TLL1: variants seen among roughly 807,000 people sequenced by gnomAD.
TLL1 encodes tolloid like 1.
TLL1 carries 49 observed loss-of-function variants against 128.2 expected under a neutral mutation model. The observed-to-expected ratio is 0.38, with a 90% confidence interval of 0.30 to 0.48. The LOEUF (loss-of-function observed/expected upper bound fraction) is 0.48. Among genes scored for constraint, TLL1 ranks in the 20% least tolerant of loss-of-function variants. TLL1 has a pLI of 0.96. For missense variants in TLL1, 1,123 were observed against 1,242.0 expected (o/e 0.90, Z 1.44); for synonymous variants, 454 against 418.8 (o/e 1.08, Z -1.03).
At chr4:165,884,788 A>T (rs536287910) in intron 1 of TLL1, among the ~76,000 whole-genome samples, 7 of 152,292 alleles carry the variant, frequency 4.6e-5, no homozygotes, top group African/African-American at 1.7e-4. Context: ...GTGAACTGAG[A>T]TTGCACCACT....
intron 17 of TLL1, among the ~76,000 whole-genome samples, chr4:166,076,495 A>C (rs557490334): frequency 3.3e-5 from 5 of 152,236 alleles, no homozygotes; most frequent in Non-Finnish European, 7.3e-5. Context: ...TTCATTACAT[A>C]AATGATATAG....
At chr4:165,981,287 A>T (rs1162187329) in intron 1 of TLL1, among the ~76,000 whole-genome samples, 1 of 152,092 alleles carries the variant, frequency 6.6e-6, no homozygotes, top group Non-Finnish European at 1.5e-5. Flanking sequence ...ATATTGTTAC[A>T]AGCAAAATAA....
intron 1 of TLL1, among the ~76,000 whole-genome samples, chr4:165,951,673 A>G (rs1019193737): frequency 6.6e-6 from 1 of 152,148 alleles, no homozygotes; most frequent in Non-Finnish European, 1.5e-5. Context: ...TAAGTTGTGT[A>G]TGACTTCAGG....
chr4:165,936,944 A>G (rs1733790759), intron 1 of TLL1, among the ~76,000 whole-genome samples: 1 of 152,120 alleles, frequency 6.6e-6, no homozygotes, highest in Non-Finnish European at 1.5e-5. Context: ...AACAAAAAGC[A>G]AAAAACGAAA....
chr4:165,906,298 G>A (rs1449481652), intron 1 of TLL1, among the ~76,000 whole-genome samples: 3 of 152,190 alleles, frequency 2.0e-5, no homozygotes, highest in African/African-American at 7.2e-5. Flanking sequence ...CTACGTGCCA[G>A]CTTCTTGTCA....
At chr4:165,887,731 G>A (rs1369824809) in intron 1 of TLL1, among the ~76,000 whole-genome samples, 1 of 152,098 alleles carries the variant, frequency 6.6e-6, no homozygotes, top group East Asian at 1.9e-4. Flanking sequence ...CCATGGCATT[G>A]AATCTATGGA....
At chr4:165,898,079 T>C (rs1227751464) in intron 1 of TLL1, among the ~76,000 whole-genome samples, 8 of 152,224 alleles carry the variant, frequency 5.3e-5, no homozygotes, top group Admixed American at 5.2e-4. Flanking sequence ...ACATTGATTT[T>C]GTATCCTGAG....
intron 1 of TLL1, among the ~76,000 whole-genome samples, chr4:165,887,114 G>T (rs1369130366): frequency 6.6e-6 from 1 of 152,206 alleles, no homozygotes; most frequent in Non-Finnish European, 1.5e-5. Context: ...GATCTTTAGA[G>T]CCCAGGGTGT....
chr4:166,049,676 C>G (rs1269151617), intron 12 of TLL1, among the ~76,000 whole-genome samples: 1 of 150,134 alleles, frequency 6.7e-6, no homozygotes, highest in Non-Finnish European at 1.5e-5. Context: ...TTAAATATTA[C>G]TACTAATAAA....
At chr4:166,075,587 T>G (rs543748114) in intron 17 of TLL1, among the ~76,000 whole-genome samples, 1 of 152,274 alleles carries the variant, frequency 6.6e-6, no homozygotes, top group South Asian at 2.1e-4. Flanking sequence ...TTCCAAAACT[T>G]TTTTAAAGCA....
chr4:166,045,960 A>G (rs1054064335), intron 12 of TLL1, among the ~76,000 whole-genome samples: 1 of 152,156 alleles, frequency 6.6e-6, no homozygotes, highest in Admixed American at 6.5e-5. Context: ...TTTTTAGTAA[A>G]TTGCACTTCC....
At chr4:165,967,031 C>G (rs1270154575) in intron 1 of TLL1, among the ~76,000 whole-genome samples, 1 of 152,168 alleles carries the variant, frequency 6.6e-6, no homozygotes, top group Non-Finnish European at 1.5e-5. Context: ...GACAGACATT[C>G]CCAGAGCAGC....
rs1025852272 is a variant in TLL1 at position 165,893,931 on chromosome 4, C to T, written c.169+19858C>T. On this transcript the variant is annotated intron_variant, in intron 1 of 20. Coordinates refer to ENST00000061240, the MANE Select transcript of TLL1 (RefSeq NM_012464.5). ...CTTATTGAAATATAAACATTTCCAG[C>T]CACCAACAAATTGAAATTCAATCAT... is the stretch of plus-strand genomic sequence containing the variant. 3.3e-5 allele frequency among the ~76,000 whole-genome samples: 5 copies of T among 152,090 alleles called. No individual in the cohort carries two copies. In the East Asian group the frequency reaches 9.6e-4, roughly 29 times the overall value.
intron 1 of TLL1, among the ~76,000 whole-genome samples, chr4:165,897,160 C>A (rs1257708042): frequency 6.6e-6 from 1 of 152,080 alleles, no homozygotes; most frequent in African/African-American, 2.4e-5. Context: ...GGACAGATTG[C>A]AAAAATTTTC....
At chr4:166,017,607 TC>T (rs1738010822) in intron 8 of TLL1, among the ~76,000 whole-genome samples, 1 of 152,164 alleles carries the variant, frequency 6.6e-6, no homozygotes. Context: ...CTATTGTTTT[TC>T]ATTTTTTTAA....
At chr4:166,000,406 G>T (rs1215115421) in intron 5 of TLL1, among the ~76,000 whole-genome samples, 1 of 152,130 alleles carries the variant, frequency 6.6e-6, no homozygotes, top group Non-Finnish European at 1.5e-5. Flanking sequence ...CAGGACCATT[G>T]TAAAATAATA....
At chr4:166,095,205 AC>A (rs1553969993) in intron 19 of TLL1, among the ~76,000 whole-genome samples, 2 of 152,108 alleles carry the variant, frequency 1.3e-5, no homozygotes, top group Non-Finnish European at 2.9e-5. Flanking sequence ...GAATTTTTGA[AC>A]TAGGTGATTA....
intron 1 of TLL1, among the ~76,000 whole-genome samples, chr4:165,961,916 C>T (rs1032284006): frequency 2.0e-5 from 3 of 152,064 alleles, no homozygotes; most frequent in African/African-American, 7.2e-5. Context: ...TCCTGCCTCC[C>T]TTCAGGATAA....
intron 20 of TLL1, among the ~76,000 whole-genome samples, chr4:166,100,515 C>G (rs1022628347): frequency 9.2e-5 from 14 of 152,094 alleles, no homozygotes; most frequent in African/African-American, 3.4e-4. Context: ...GTTCAGAGCT[C>G]AGCTACATCA....
Sources: gnomAD v4.1 joint callset for allele counts (sites outside exome capture counted in the v4.1 genomes callset) on GRCh38, gnomAD v4.1.1 for gene constraint, MANE v1.5 for transcripts, NCBI Gene and HGNC (gene_info 2026-07-23, HGNC 2026-07-21) for gene names.